MAP2: variants seen among roughly 807,000 people sequenced by gnomAD.
The protein encoded by MAP2 is microtubule associated protein 2.
In MAP2, 14 loss-of-function variants were observed where a neutral mutation model predicts 137.6. That is an observed-to-expected ratio of 0.10 (90% CI 0.07 to 0.16). The LOEUF (loss-of-function observed/expected upper bound fraction) is 0.16. Among genes scored for constraint, MAP2 ranks in the 10% least tolerant of loss-of-function variants. MAP2 has a pLI of 1.00. For missense variants in MAP2, 2,088 were observed against 2,191.5 expected (o/e 0.95, Z 0.94); for synonymous variants, 786 against 782.3 (o/e 1.00, Z -0.08).
chr2:209,667,979 C>T (rs1298420542), intron 5 of MAP2, among the ~76,000 whole-genome samples: 2 of 151,978 alleles, frequency 1.3e-5, no homozygotes, highest in Non-Finnish European at 2.9e-5. Flanking sequence ...AATCTCCTTG[C>T]CCTATATCAG....
At chr2:209,514,682 G>A (rs569496414) in intron 2 of MAP2, among the ~76,000 whole-genome samples, 14 of 152,174 alleles carry the variant, frequency 9.2e-5, no homozygotes, top group Non-Finnish European at 1.5e-4. Flanking sequence ...TATTATGTAA[G>A]AAATTCTTTA....
Position 209,695,911 on chromosome 2 carries a change from A to G in MAP2, c.3741A>G (p.Lys1247=), listed in dbSNP as rs2060055739. The change falls in exon 8 of 16, where the codon AAA becomes AAG. Residue 1247 remains lysine (K), a synonymous_variant. Transcript: ENST00000682079. The part of the protein sequence containing the change: ...EEIEAQGEYD[K]LLFRSDTLQI... ...TAGAAGCCCAGGGAGAATATGATAA[A>G]CTGCTCTTCCGCTCAGACACCCTTC... 1 of 1,613,886 alleles carries G rather than the reference A, an allele frequency of 6.2e-7. No individual in the cohort carries two copies. Among genetic ancestry groups the G allele is most frequent in the Non-Finnish European group, 8.5e-7 (1 of 1,179,984 alleles).
At chr2:209,611,587 G>A (rs967008940) in intron 3 of MAP2, among the ~76,000 whole-genome samples, 1 of 152,034 alleles carries the variant, frequency 6.6e-6, no homozygotes, top group South Asian at 2.1e-4. Flanking sequence ...GCCTCTTGCT[G>A]TAACTGCTAT....
intron 1 of MAP2, among the ~76,000 whole-genome samples, chr2:209,454,529 G>T (rs576027050): frequency 6.6e-6 from 1 of 152,020 alleles, no homozygotes; most frequent in African/African-American, 2.4e-5. Context: ...TAGAGATAGG[G>T]TTTCACCATG....
intron 1 of MAP2, among the ~76,000 whole-genome samples, chr2:209,429,551 C>G (rs1220617039): frequency 6.6e-6 from 1 of 152,020 alleles, no homozygotes; most frequent in East Asian, 1.9e-4. Context: ...TAAAATATTC[C>G]TAATTACATT....
chr2:209,501,933 A>G (rs1248165427), intron 1 of MAP2, among the ~76,000 whole-genome samples: 1 of 152,174 alleles, frequency 6.6e-6, no homozygotes, highest in Non-Finnish European at 1.5e-5. Flanking sequence ...TCAAAAATGA[A>G]TACCTCTTTT....
chr2:209,698,412 G>C (rs2060852881), intron 10 of MAP2, among the ~76,000 whole-genome samples: 1 of 152,118 alleles, frequency 6.6e-6, no homozygotes, highest in South Asian at 2.1e-4. Flanking sequence ...TGCTAAATCA[G>C]AAAAGAATGT....
intron 4 of MAP2, among the ~76,000 whole-genome samples, chr2:209,649,497 T>C (rs1312055248): frequency 6.6e-6 from 1 of 152,224 alleles, no homozygotes; most frequent in Non-Finnish European, 1.5e-5. Flanking sequence ...AAGTGAAATT[T>C]ATCATTTATG....
In MAP2 at chr2:209,732,471, A is replaced by G. The variant is rs1211617542; in HGVS notation, c.*2074A>G. On this transcript the variant is annotated 3_prime_UTR_variant, in exon 16 of 16. Transcript: ENST00000682079. ...GGATCATTATATCTATTTTCTGCCT[A>G]TTAATTGCTGTGAGGTTTGATTTGA... 1 of 152,212 alleles carries G rather than the reference A, an allele frequency of 6.6e-6. No individual in the cohort carries two copies. Among genetic ancestry groups the G allele is most frequent in the Non-Finnish European group, 1.5e-5 (1 of 68,030 alleles). The allele number at this position is 152,212 out of a possible 1,614,324, so 9.4% of individuals were successfully genotyped here.
chr2:209,478,925 C>T (rs1708057618), intron 1 of MAP2, among the ~76,000 whole-genome samples: 1 of 152,136 alleles, frequency 6.6e-6, no homozygotes, highest in South Asian at 2.1e-4. Context: ...GGGTTTGAAA[C>T]AACTTTTTTA....
intron 2 of MAP2, among the ~76,000 whole-genome samples, chr2:209,514,584 T>G (rs1396988701): frequency 6.6e-6 from 1 of 152,150 alleles, no homozygotes; most frequent in Non-Finnish European, 1.5e-5. Context: ...CCCATTTATG[T>G]CATTAAAAAG....
intron 4 of MAP2, among the ~76,000 whole-genome samples, chr2:209,643,373 G>A (rs2153582274): frequency 6.6e-6 from 1 of 152,260 alleles, no homozygotes; most frequent in South Asian, 2.1e-4. Context: ...GGGAATCCCA[G>A]GAGGGAAAGT....
chr2:209,425,917 G>C (rs1306967507), intron 1 of MAP2, among the ~76,000 whole-genome samples: 1 of 152,158 alleles, frequency 6.6e-6, no homozygotes, highest in African/African-American at 2.4e-5. Flanking sequence ...GTGTATTTTG[G>C]TAGAAATCCT....
intron 1 of MAP2, among the ~76,000 whole-genome samples, chr2:209,468,167 G>C (rs946995418): frequency 6.6e-6 from 1 of 151,320 alleles, no homozygotes; most frequent in Admixed American, 6.6e-5. Context: ...CTTTCATCTC[G>C]GTAGTTGACT....
intron 7 of MAP2, among the ~76,000 whole-genome samples, chr2:209,691,117 T>C (rs1467570025): frequency 6.6e-6 from 1 of 151,168 alleles, no homozygotes; most frequent in African/African-American, 2.4e-5. Context: ...TGTGAGCTTC[T>C]TTTTTTATTT....
intron 5 of MAP2, among the ~76,000 whole-genome samples, chr2:209,660,570 A>ATTTTTTTT (rs1249225918): frequency 7.2e-6 from 1 of 138,276 alleles, no homozygotes; most frequent in African/African-American, 2.7e-5. Context: ...TTTTTTTTGT[A>ATTTTTTTT]TTTTTTAGTA....
intron 3 of MAP2, among the ~76,000 whole-genome samples, chr2:209,608,100 G>C (rs1024443366): frequency 1.3e-5 from 2 of 152,122 alleles, no homozygotes; most frequent in African/African-American, 4.8e-5. Flanking sequence ...CCACAGTAAT[G>C]ATGCAGTAGA....
chr2:209,723,395 T>C (rs2072215403), intron 13 of MAP2, among the ~76,000 whole-genome samples: 1 of 152,192 alleles, frequency 6.6e-6, no homozygotes, highest in Non-Finnish European at 1.5e-5. Flanking sequence ...CTCTCGCATT[T>C]GACCCTTGTG....
intron 1 of MAP2, among the ~76,000 whole-genome samples, chr2:209,445,075 A>G (rs1321483469): frequency 1.3e-5 from 2 of 151,602 alleles, no homozygotes; most frequent in South Asian, 2.1e-4. Context: ...ATTAAAAAAT[A>G]ATGTATATGG....
Sources: allele counts gnomAD v4.1 joint callset (sites outside exome capture counted in the v4.1 genomes callset), GRCh38; gene constraint gnomAD v4.1.1; transcripts MANE v1.5; gene names NCBI Gene and HGNC (gene_info 2026-07-23, HGNC 2026-07-21).